The following GNS variants were observed in gnomAD, a reference collection of about 807,000 sequenced individuals.
The protein encoded by GNS is glucosamine (N-acetyl)-6-sulfatase.
A neutral mutation model predicts 69.7 loss-of-function variants in GNS; 40 were observed. That is an observed-to-expected ratio of 0.57 (90% CI 0.45 to 0.75). The LOEUF (loss-of-function observed/expected upper bound fraction) is 0.75. Among genes scored for constraint, GNS ranks in the 30% least tolerant of loss-of-function variants. The probability of loss-of-function intolerance (pLI) is 0.00; values close to 1 mark genes in which losing one functional copy is unlikely to be tolerated. For missense variants in GNS, 565 were observed against 685.5 expected (o/e 0.82, Z 1.96); for synonymous variants, 243 against 251.6 (o/e 0.97, Z 0.32).
intron 8 of GNS, among the ~76,000 whole-genome samples, chr12:64,738,928 A>C (rs1869637843): frequency 6.6e-6 from 1 of 152,182 alleles, no homozygotes; most frequent in African/African-American, 2.4e-5. Flanking sequence ...ATGTGGAAAG[A>C]AGAAAACATT....
At chr12:64,725,831 C>T (rs972269114) in intron 10 of GNS, among the ~76,000 whole-genome samples, 1 of 151,496 alleles carries the variant, frequency 6.6e-6, no homozygotes. Flanking sequence ...CCTGACTCTA[C>T]TAAAAGTACA....
intron 1 of GNS, among the ~76,000 whole-genome samples, chr12:64,755,956 C>G (rs142697988): frequency 6.6e-6 from 1 of 152,056 alleles, no homozygotes. Context: ...CGTGAGCCAC[C>G]GCGCCCGGCC....
chr12:64,726,747 T>C (rs529865088), intron 10 of GNS, among the ~76,000 whole-genome samples: 5 of 152,072 alleles, frequency 3.3e-5, no homozygotes, highest in African/African-American at 4.8e-5. Flanking sequence ...CAGCCTGCCT[T>C]AGCCTCCCAA....
At position 64,732,156 on chromosome 12, in the gene GNS, TTTTTTTTTTGTTG is replaced by T. The variant is rs1404627803; in HGVS notation, c.1099-3112_1099-3100del. 1.8e-4 allele frequency among the ~76,000 whole-genome samples: 18 copies of T among 97,614 alleles called. 3 individuals carry two copies. Among genetic ancestry groups the T allele is most frequent in the East Asian group, 5.3e-4 (1 of 1,896 alleles). 64.0% of individuals were successfully genotyped at this position (97,614 alleles called of 152,430 possible). A position where few individuals can be genotyped will look rare whatever the true frequency, so the allele number is the denominator to read the frequency against. On this transcript the variant is annotated intron_variant, in intron 9 of 13. Transcript: ENST00000258145. ...CACCTGCCACCACACCTGGCTAATT[TTTTTTTTTTGTTG>T]TTTTTTTTTTTTTTTTGAGACGGAG...
chr12:64,758,436 C>T (rs1870344033), intron 1 of GNS, among the ~76,000 whole-genome samples: 1 of 149,528 alleles, frequency 6.7e-6, no homozygotes, highest in Non-Finnish European at 1.5e-5. Flanking sequence ...GATTCTCCTT[C>T]CTCAGCCTCC....
chr12:64,748,675 T>C (rs539172797), intron 2 of GNS, among the ~76,000 whole-genome samples: 1 of 152,316 alleles, frequency 6.6e-6, no homozygotes, highest in Admixed American at 6.5e-5. Flanking sequence ...CAGACTTTTT[T>C]TCCCTACTGT....
chr12:64,726,757 A>T (rs1869213741), intron 10 of GNS, among the ~76,000 whole-genome samples: 1 of 152,102 alleles, frequency 6.6e-6, no homozygotes, highest in African/African-American at 2.4e-5. Flanking sequence ...TAGCCTCCCA[A>T]ATTGCTGGGA....
At chr12:64,756,829 TG>T in intron 1 of GNS, 1 of 791,878 alleles carries the variant, frequency 1.3e-6, no homozygotes, top group Admixed American at 2.1e-5. Flanking sequence ...CACTCAATTT[TG>T]GTACCTCTCT....
chr12:64,736,869 T>G, intron 9 of GNS, 135 bp downstream of exon 9: 1 of 666,630 alleles, frequency 1.5e-6, no homozygotes, highest in South Asian at 1.7e-5. Flanking sequence ...GCAATCATTG[T>G]TTCCACTTAA....
intron 1 of GNS, among the ~76,000 whole-genome samples, chr12:64,758,308 CCTTT>C (rs1870332357): frequency 2.6e-5 from 3 of 115,702 alleles, no homozygotes; most frequent in Admixed American, 9.8e-5. Context: ...TCACTTCAGG[CCTTT>C]TTTTTTTTTT....
At chr12:64,752,399 A>G (rs905015089) in intron 2 of GNS, among the ~76,000 whole-genome samples, 1 of 152,232 alleles carries the variant, frequency 6.6e-6, no homozygotes, top group Non-Finnish European at 1.5e-5. Context: ...TTACCAAGGA[A>G]AAGTTTACAC....
intron 1 of GNS, among the ~76,000 whole-genome samples, chr12:64,755,930 G>C (rs977391482): frequency 6.6e-6 from 1 of 152,024 alleles, no homozygotes; most frequent in Non-Finnish European, 1.5e-5. Context: ...GCCTCCCAAA[G>C]TGCTAGGATT....
chr12:64,716,506 T>C lies in GNS; in HGVS notation c.*235A>G, dbSNP rs1407364902. 2 of 575,856 alleles carry C rather than the reference T, an allele frequency of 3.5e-6. No individual in the cohort carries two copies. The highest frequency in any genetic ancestry group is 6.3e-6 in the Non-Finnish European group (2 of 318,636). The allele number at this position is 575,856 out of a possible 1,614,324, so 35.7% of individuals were successfully genotyped here. ...GAGAACAAAGACCTCAGGAGTGTCCTTGTCAGCTAAAGGAAGAGACCAGAG... is the reference window on the plus strand; with the variant it reads ...GAGAACAAAGACCTCAGGAGTGTCCCTGTCAGCTAAAGGAAGAGACCAGAG... On this transcript the variant is annotated 3_prime_UTR_variant, in exon 14 of 14. Coordinates refer to ENST00000258145, the MANE Select transcript of GNS (RefSeq NM_002076.4).
rs755221851 is a variant in GNS at position 64,721,099 on chromosome 12, CA to C, written c.1419+495del. On this transcript the variant is annotated intron_variant, in intron 12 of 13. Coordinates refer to ENST00000258145, the MANE Select transcript of GNS (RefSeq NM_002076.4). Reference sequence around the variant, plus strand: ...TATGCTGATAAACAGTAAGAAACCACAAGGGACTAGAGTCCATGGGATCCTT... The same window carrying C: ...TATGCTGATAAACAGTAAGAAACCACAGGGACTAGAGTCCATGGGATCCTT... 5.9e-5 allele frequency among the ~76,000 whole-genome samples: 9 copies of C among 152,288 alleles called. No homozygotes were observed. In the South Asian group the frequency reaches 1.4e-3, roughly 25 times the overall value.
intron 7 of GNS, 134 bp downstream of exon 7, chr12:64,740,472 G>A (rs1869697222): frequency 1.4e-6 from 1 of 703,892 alleles, no homozygotes; most frequent in South Asian, 1.5e-5. Context: ...GTGCCCCATC[G>A]AAGCCTCTCT....
rs1423423126 is a variant in GNS at position 64,714,278 on chromosome 12, A to G, written c.*2463T>C. The G allele has an allele frequency of 6.6e-6, 1 of 152,138 alleles. No individual in the cohort carries two copies. The highest frequency in any genetic ancestry group is 1.5e-5 in the Non-Finnish European group (1 of 68,022). 9.4% of individuals were successfully genotyped at this position (152,138 alleles called of 1,614,324 possible). A position where few individuals can be genotyped will look rare whatever the true frequency, so the allele number is the denominator to read the frequency against. The stretch of plus-strand genomic sequence containing the variant: ...TTCCTAAGGCCTCTGTTCATTCCTA[A>G]TGTTTACATGGTTCTCTACTCTGAA... On this transcript the variant is annotated 3_prime_UTR_variant, in exon 14 of 14. Coordinates refer to ENST00000258145, the MANE Select transcript of GNS (RefSeq NM_002076.4).
chr12:64,716,848 A>G, intron 13 of GNS, 29 bp from the exon 14 acceptor site: 1 of 1,261,438 alleles, frequency 7.9e-7, no homozygotes, highest in Non-Finnish European at 1.2e-6. Context: ...ATGTAACATT[A>G]GCTCTCACTA....
At position 64,713,634 on chromosome 12, in the gene GNS, C is replaced by T. The variant is rs1868775980; in HGVS notation, c.*3107G>A. ...GTGGTGGTAAAACTCAAGAACCCAA[C>T]TCTACCCATCTAATTCCATTGGTGG... On this transcript the variant is annotated 3_prime_UTR_variant, in exon 14 of 14. Coordinates refer to ENST00000258145, the MANE Select transcript of GNS (RefSeq NM_002076.4). 6.6e-6 allele frequency: 1 copy of T among 152,492 alleles called. No individual in the cohort carries two copies. Among genetic ancestry groups the T allele is most frequent in the African/African-American group, 2.4e-5 (1 of 41,342 alleles). The allele number at this position is 152,492 out of a possible 1,614,324, so 9.4% of individuals were successfully genotyped here. A position where few individuals can be genotyped will look rare whatever the true frequency, so the allele number is the denominator to read the frequency against.
At chr12:64,739,921 C>T (rs1276968449) in intron 7 of GNS, among the ~76,000 whole-genome samples, 1 of 152,294 alleles carries the variant, frequency 6.6e-6, no homozygotes, top group Middle Eastern at 3.4e-3. Context: ...TACAAAAAAG[C>T]TTAAGATGTT....
Sources: allele counts gnomAD v4.1 joint callset (sites outside exome capture counted in the v4.1 genomes callset), GRCh38; gene constraint gnomAD v4.1.1; transcripts MANE v1.5; gene names NCBI Gene and HGNC (gene_info 2026-07-23, HGNC 2026-07-21).